The following WWC2 variants were observed in gnomAD, a reference collection of about 807,000 sequenced individuals.
WWC2 encodes protein WWC2.
WWC2 carries 101 observed loss-of-function variants against 138.5 expected under a neutral mutation model. The observed-to-expected ratio is 0.73, with a 90% CI of 0.62 to 0.86. The LOEUF is 0.86. Among genes scored for constraint, WWC2 ranks in the 40% least tolerant of loss-of-function variants. WWC2 has a pLI of 0.00. For missense variants in WWC2, 1,420 were observed against 1,419.4 expected (o/e 1.00, Z -0.01); for synonymous variants, 558 against 538.4 (o/e 1.04, Z -0.50).
chr4:183,310,862 T>C (rs1283683201), intron 21 of WWC2, among the ~76,000 whole-genome samples: 1 of 140,900 alleles, frequency 7.1e-6, no homozygotes, highest in South Asian at 2.2e-4. Context: ...GCAACAGTAA[T>C]AGCTTCATTC....
intron 1 of WWC2, among the ~76,000 whole-genome samples, chr4:183,109,739 T>C (rs914954942): frequency 1.3e-5 from 2 of 152,156 alleles, no homozygotes; most frequent in African/African-American, 4.8e-5. Flanking sequence ...TGGCTAGGGG[T>C]TGGGAACCCC....
intron 1 of WWC2, among the ~76,000 whole-genome samples, chr4:183,138,130 G>C (rs1462513577): frequency 6.6e-6 from 1 of 152,132 alleles, no homozygotes; most frequent in Admixed American, 6.5e-5. Flanking sequence ...GTAAAATTGG[G>C]CTGTAAAACC....
chr4:183,194,020 C>T (rs1003265306), intron 2 of WWC2, among the ~76,000 whole-genome samples: 1 of 152,164 alleles, frequency 6.6e-6, no homozygotes, highest in African/African-American at 2.4e-5. Flanking sequence ...CTCCTCTTTC[C>T]ATGGCCACTG....
At chr4:183,214,231 G>C (rs1483453616) in intron 4 of WWC2, among the ~76,000 whole-genome samples, 1 of 152,136 alleles carries the variant, frequency 6.6e-6, no homozygotes, top group African/African-American at 2.4e-5. Context: ...ATTAATAACA[G>C]TATACTATCT....
chr4:183,288,076 T>C (rs1258719443), intron 20 of WWC2, among the ~76,000 whole-genome samples: 1 of 152,212 alleles, frequency 6.6e-6, no homozygotes, highest in Non-Finnish European at 1.5e-5. Context: ...AGATAATGTG[T>C]GTCTAGATGA....
At position 183,285,954 on chromosome 4, in the gene WWC2, C is replaced by A; in HGVS notation, c.3049-13C>A. 1 of 1,565,678 alleles carries A rather than the reference C, an allele frequency of 6.4e-7. No homozygotes were observed. Among genetic ancestry groups the A allele is most frequent in the Non-Finnish European group, 8.7e-7 (1 of 1,153,766 alleles). On this transcript the variant is annotated splice_polypyrimidine_tract_variant and intron_variant, in intron 19 of 22. Transcript: ENST00000403733. ...ATATGCAGTGATTTTTTTTTTAAATCTTTTGTTGCCAGTTAAATCGGAGTG... is the reference window on the plus strand; with the variant it reads ...ATATGCAGTGATTTTTTTTTTAAATATTTTGTTGCCAGTTAAATCGGAGTG...
Position 183,261,413 on chromosome 4 carries a change from T to A in WWC2, c.1790T>A (p.Ile597Asn). 1 of 1,612,902 alleles carries A rather than the reference T, an allele frequency of 6.2e-7. No homozygotes were observed. Among genetic ancestry groups the A allele is most frequent in the Non-Finnish European group, 8.5e-7 (1 of 1,179,398 alleles). ...GAGTTGAGTAGCCATTTTGCAGATA[T>A]CAGCCTCATCGAAAATCAGATTTTG... ...DCELSSHFADISLIENQILLD... is the reference protein window; with the variant it reads ...DCELSSHFADNSLIENQILLD... Residue 597 changes from isoleucine to asparagine, a missense_variant, in exon 11 of 23, where the codon ATC becomes AAC. By Grantham distance (149) the Ile-to-Asn change is moderately radical. Coordinates refer to ENST00000403733, the MANE Select transcript of WWC2 (RefSeq NM_024949.6).
intron 1 of WWC2, among the ~76,000 whole-genome samples, chr4:183,135,824 A>T (rs900029139): frequency 3.3e-5 from 5 of 152,172 alleles, no homozygotes; most frequent in Non-Finnish European, 5.9e-5. Context: ...TTTTTGCTAA[A>T]TATTGAGTTA....
At chr4:183,300,356 TC>T (rs59215176) in intron 21 of WWC2, among the ~76,000 whole-genome samples, 16,069 of 151,134 alleles carry the variant, frequency 0.11, 883 homozygotes, top group South Asian at 0.16. Flanking sequence ...TTTTTTTTTT[TC>T]CATAGAGTGT....
intron 4 of WWC2, among the ~76,000 whole-genome samples, chr4:183,211,929 C>T (rs114188854): frequency 0.017 from 2,528 of 151,838 alleles, 76 homozygotes; most frequent in African/African-American, 0.058. Context: ...TCAGGGGATT[C>T]TTCTGCCTCA....
chr4:183,214,314 T>C (rs2111251682), intron 4 of WWC2, among the ~76,000 whole-genome samples: 1 of 152,318 alleles, frequency 6.6e-6, no homozygotes, highest in Non-Finnish European at 1.5e-5. Flanking sequence ...GCAGTGGTGA[T>C]GAGCTTAGAA....
At chr4:183,128,348 AAAG>A (rs150862222) in intron 1 of WWC2, among the ~76,000 whole-genome samples, 3,045 of 152,104 alleles carry the variant, frequency 0.02, 94 homozygotes, top group African/African-American at 0.069. Flanking sequence ...AAGAAAAAAA[AAAG>A]AAGAAGACAA....
chr4:183,139,908 G>A (rs976865061), intron 1 of WWC2, among the ~76,000 whole-genome samples: 2 of 152,282 alleles, frequency 1.3e-5, no homozygotes, highest in African/African-American at 4.8e-5. Flanking sequence ...CATCTCCCGG[G>A]TGCAAGCAAT....
chr4:183,319,100 A>G lies in WWC2; in HGVS notation c.*3371A>G, dbSNP rs182541578. ...ATGTGTCTACACCTTTCACCTCTGAAGCTTCTAAAGAGCTAGTAATTATTT... is the reference window on the plus strand; with the variant it reads ...ATGTGTCTACACCTTTCACCTCTGAGGCTTCTAAAGAGCTAGTAATTATTT... On this transcript the variant is annotated 3_prime_UTR_variant, in exon 23 of 23. Coordinates refer to ENST00000403733, the MANE Select transcript of WWC2 (RefSeq NM_024949.6). The G allele has an allele frequency of 7.6e-5, 12 of 158,628 alleles. No individual in the cohort carries two copies. The highest frequency in any genetic ancestry group is 4.1e-4 in the Admixed American group (7 of 16,878). The allele number at this position is 158,628 out of a possible 1,614,324, so 9.8% of individuals were successfully genotyped here. A position where few individuals can be genotyped will look rare whatever the true frequency, so the allele number is the denominator to read the frequency against.
chr4:183,231,217 A>C (rs915539710), intron 4 of WWC2, among the ~76,000 whole-genome samples: 11 of 148,060 alleles, frequency 7.4e-5, no homozygotes, highest in African/African-American at 2.8e-4. Context: ...CTGTACTAAC[A>C]GAGTGAAGGG....
chr4:183,110,169 A>G (rs1443012494), intron 1 of WWC2, among the ~76,000 whole-genome samples: 2 of 152,234 alleles, frequency 1.3e-5, no homozygotes, highest in Non-Finnish European at 2.9e-5. Flanking sequence ...GCGCTGCTAT[A>G]TAATTCTTAA....
intron 1 of WWC2, among the ~76,000 whole-genome samples, chr4:183,102,115 CTT>C: frequency 6.6e-6 from 1 of 152,280 alleles, no homozygotes; most frequent in East Asian, 1.9e-4. Flanking sequence ...GTCATTCAAA[CTT>C]TGCTGGGATG....
At chr4:183,215,470 A>G (rs1220201150) in intron 4 of WWC2, among the ~76,000 whole-genome samples, 1 of 152,110 alleles carries the variant, frequency 6.6e-6, no homozygotes, top group Non-Finnish European at 1.5e-5. Context: ...CAAGACAGAA[A>G]GAAAATGAGA....
At chr4:183,310,440 A>C (rs942844677) in intron 21 of WWC2, among the ~76,000 whole-genome samples, 1 of 152,192 alleles carries the variant, frequency 6.6e-6, no homozygotes, top group Non-Finnish European at 1.5e-5. Context: ...GTTAATTTTT[A>C]ATAATTATTA....
Sources: allele counts gnomAD v4.1 joint callset (sites outside exome capture counted in the v4.1 genomes callset), GRCh38; gene constraint gnomAD v4.1.1; transcripts MANE v1.5; gene names NCBI Gene and HGNC (gene_info 2026-07-23, HGNC 2026-07-21).